MARCHF1: variants seen among roughly 807,000 people sequenced by gnomAD.
MARCHF1 encodes the protein membrane associated ring-CH-type finger 1.
A neutral mutation model predicts 54.2 loss-of-function variants in MARCHF1; 40 were observed. The observed-to-expected ratio is 0.74, with a 90% CI of 0.57 to 0.96. The LOEUF is 0.96. MARCHF1 is among the 40% of genes least tolerant of loss of function. The pLI is 0.00. For synonymous variants in MARCHF1, 236 were observed against 236.3 expected, an observed-to-expected ratio of 1.00 and a Z score of 0.01; for missense variants, 586 against 656.5, an observed-to-expected ratio of 0.89 and a Z score of 1.17.
intron 1 of MARCHF1, among the ~76,000 whole-genome samples, chr4:164,178,475 A>G (rs1023508862): frequency 1.3e-5 from 2 of 152,190 alleles, no homozygotes; most frequent in African/African-American, 4.8e-5. Flanking sequence ...TGCAGGAAAG[A>G]GTGCAAGATG....
intron 4 of MARCHF1, among the ~76,000 whole-genome samples, chr4:163,717,258 G>C (rs1455913651): frequency 6.8e-6 from 1 of 148,098 alleles, no homozygotes; most frequent in Non-Finnish European, 1.5e-5. Context: ...TTGGTTTTTT[G>C]TCCTTGCGAT....
chr4:164,117,044 G>A (rs774607995), intron 1 of MARCHF1, among the ~76,000 whole-genome samples: 2 of 152,002 alleles, frequency 1.3e-5, no homozygotes, highest in Non-Finnish European at 2.9e-5. Flanking sequence ...GATCATTTGA[G>A]GTCAGGAGTT....
chr4:163,942,134 T>C (rs1406473757), intron 3 of MARCHF1, among the ~76,000 whole-genome samples: 1 of 152,184 alleles, frequency 6.6e-6, no homozygotes, highest in Non-Finnish European at 1.5e-5. Context: ...TATTCCATCT[T>C]CCATAAGTTA....
intron 5 of MARCHF1, among the ~76,000 whole-genome samples, chr4:163,616,550 G>A (rs959360397): frequency 7.2e-5 from 11 of 152,048 alleles, no homozygotes; most frequent in African/African-American, 2.7e-4. Flanking sequence ...AAGCCACAGT[G>A]AGATGTTATC....
At chr4:163,647,963 G>T (rs1374568468) in intron 5 of MARCHF1, among the ~76,000 whole-genome samples, 1 of 151,400 alleles carries the variant, frequency 6.6e-6, no homozygotes, top group Non-Finnish European at 1.5e-5. Context: ...AAAATGAAGA[G>T]TTGGTTTTTT....
chr4:163,828,772 C>T (rs906213292), intron 4 of MARCHF1: 1 of 152,078 alleles, frequency 6.6e-6, no homozygotes, highest in Non-Finnish European at 1.5e-5. Context: ...CCATGTAAGT[C>T]GGTGTTGTAT....
intron 4 of MARCHF1, among the ~76,000 whole-genome samples, chr4:163,765,946 A>G (rs1235125737): frequency 6.8e-6 from 1 of 148,010 alleles, no homozygotes; most frequent in African/African-American, 2.5e-5. Context: ...AAATATATAT[A>G]ATATATAGTG....
At chr4:164,262,744 T>C (rs965503100) in intron 1 of MARCHF1, among the ~76,000 whole-genome samples, 5 of 152,198 alleles carry the variant, frequency 3.3e-5, no homozygotes, top group African/African-American at 7.2e-5. Flanking sequence ...AGACGATGAT[T>C]GGCAAAGCCC....
intron 9 of MARCHF1, among the ~76,000 whole-genome samples, chr4:163,535,911 G>T (rs1313716924): frequency 6.6e-6 from 1 of 152,208 alleles, no homozygotes; most frequent in East Asian, 1.9e-4. Flanking sequence ...ATTGTTGATT[G>T]TTGTACCTGG....
intron 2 of MARCHF1, among the ~76,000 whole-genome samples, chr4:164,051,827 G>C (rs764222478): frequency 1.4e-4 from 21 of 152,166 alleles, no homozygotes; most frequent in Non-Finnish European, 2.8e-4. Context: ...AGAATAGATA[G>C]AGATTTAACC....
intron 4 of MARCHF1, among the ~76,000 whole-genome samples, chr4:163,847,709 T>A (rs1749526781): frequency 6.6e-6 from 1 of 151,704 alleles, no homozygotes; most frequent in Non-Finnish European, 1.5e-5. Context: ...GTCTCCCAAG[T>A]AGCTGGGATT....
intron 7 of MARCHF1, among the ~76,000 whole-genome samples, chr4:163,604,944 A>AT (rs527253754): frequency 7.2e-5 from 11 of 151,970 alleles, no homozygotes; most frequent in African/African-American, 1.2e-4. Context: ...TCATTCACAG[A>AT]TTTTTTTTAT....
intron 1 of MARCHF1, among the ~76,000 whole-genome samples, chr4:164,222,283 C>A (rs964987234): frequency 6.7e-6 from 1 of 148,228 alleles, no homozygotes; most frequent in South Asian, 2.1e-4. Context: ...CTTTTTTATC[C>A]TTCTGCTTTC....
chr4:163,651,389 G>A (rs992127263), intron 5 of MARCHF1, among the ~76,000 whole-genome samples: 2 of 151,732 alleles, frequency 1.3e-5, no homozygotes, highest in African/African-American at 4.8e-5. Context: ...TTTTCCCCTG[G>A]TTCCAAAGGT....
chr4:163,536,371 G>C (rs1378177110), intron 9 of MARCHF1, among the ~76,000 whole-genome samples: 1 of 151,830 alleles, frequency 6.6e-6, no homozygotes, highest in Admixed American at 6.6e-5. Context: ...TTTTCTTTCT[G>C]TGTTTTGCTT....
intron 2 of MARCHF1, among the ~76,000 whole-genome samples, chr4:164,004,702 A>C (rs1284445431): frequency 6.6e-6 from 1 of 150,712 alleles, no homozygotes; most frequent in African/African-American, 2.4e-5. Context: ...CTGAAAAATC[A>C]CCCCCCCCAA....
At chr4:163,644,761 G>A (rs964958544) in intron 5 of MARCHF1, among the ~76,000 whole-genome samples, 5 of 152,126 alleles carry the variant, frequency 3.3e-5, no homozygotes, top group Non-Finnish European at 5.9e-5. Flanking sequence ...GTCCATGAAC[G>A]GACCTGAAAG....
intron 2 of MARCHF1, among the ~76,000 whole-genome samples, chr4:164,028,737 T>C (rs779448777): frequency 9.2e-5 from 14 of 152,068 alleles, no homozygotes; most frequent in Admixed American, 5.9e-4. Context: ...AAAGTTGAAA[T>C]GAAAATAAAA....
chr4:164,358,642 T>C (rs953876614), intron 1 of MARCHF1, among the ~76,000 whole-genome samples: 6 of 152,268 alleles, frequency 3.9e-5, no homozygotes, highest in African/African-American at 1.4e-4. Context: ...ACTTCAGTAG[T>C]TTATCATTTA....
Sources: allele counts gnomAD v4.1 joint callset (sites outside exome capture counted in the v4.1 genomes callset), GRCh38; gene constraint gnomAD v4.1.1; transcripts MANE v1.5; gene names NCBI Gene and HGNC (gene_info 2026-07-23, HGNC 2026-07-21).